Variants in PNPLA1 observed in about 807,000 individuals in gnomAD.
PNPLA1 encodes the protein omega-hydroxyceramide transacylase.
Under a neutral mutation model 51.7 loss-of-function variants are expected in PNPLA1, and 36 were observed. That is an observed-to-expected ratio of 0.70 (90% CI 0.53 to 0.92). PNPLA1 has a LOEUF of 0.92. Ranked by LOEUF, PNPLA1 falls within the 40% of genes least tolerant of loss-of-function variation. The pLI is 0.00. For missense variants in PNPLA1, 658 were observed against 682.5 expected, an observed-to-expected ratio of 0.96 and a Z score of 0.40; for synonymous variants, 293 against 280.1, an observed-to-expected ratio of 1.05 and a Z score of -0.46.
In PNPLA1 at chr6:36,307,682, C is replaced by T. The variant is rs747213173; in HGVS notation, c.1565C>T (p.Ser522Leu). The T allele has an allele frequency of 9.9e-6, 16 of 1,613,892 alleles. No homozygotes were observed. Among genetic ancestry groups the T allele is most frequent in the Admixed American group, 8.3e-5 (5 of 60,014 alleles). Residue 522 changes from serine to leucine, a missense_variant, in exon 8 of 9, where the codon TCG becomes TTG. Ser to Leu is a moderately radical substitution (Grantham distance 145). Coordinates refer to ENST00000636260, the MANE Select transcript of PNPLA1 (RefSeq NM_001374623.1). ...ACCAGAAAAGGCTTCCCAAGACATTCGGGATCCAAAAAACCAAGCAGCAAA... is the reference window on the plus strand; with the variant it reads ...ACCAGAAAAGGCTTCCCAAGACATTTGGGATCCAAAAAACCAAGCAGCAAA... The part of the protein sequence containing the change: ...SGTRKGFPRH[S>L]GSKKPSSKVQ...
chr6:36,261,756 C>G (rs1238567007), intron 1 of PNPLA1, among the ~76,000 whole-genome samples: 2 of 152,186 alleles, frequency 1.3e-5, no homozygotes, highest in African/African-American at 4.8e-5. Flanking sequence ...AGCTAAGGCA[C>G]AGAGATGTCA....
At position 36,302,476 on chromosome 6, in the gene PNPLA1, A is replaced by C; in HGVS notation, c.1384+7A>C. On this transcript the variant is annotated splice_region_variant and intron_variant, in intron 6 of 8. Transcript: ENST00000636260. ...GGCCAAGAACAGCCCCAAGGTATGG[A>C]CCCTTCTGGCTTGTTATGACTTTCT... 6.6e-7 allele frequency: 1 copy of C among 1,525,430 alleles called. No homozygotes were observed. Among genetic ancestry groups the C allele is most frequent in the East Asian group, 2.3e-5 (1 of 44,180 alleles). 94.5% of individuals were successfully genotyped at this position (1,525,430 alleles called of 1,614,324 possible).
intron 1 of PNPLA1, among the ~76,000 whole-genome samples, chr6:36,262,960 T>C (rs1163467307): frequency 6.6e-6 from 1 of 152,248 alleles, no homozygotes; most frequent in Admixed American, 6.5e-5. Context: ...TGAGTATTTC[T>C]GTAGGATAAA....
chr6:36,291,556 AG>A lies in PNPLA1; in HGVS notation c.438+9del. The stretch of plus-strand genomic sequence containing the variant: ...GTCCAAGGAGGAGCTCATTGAGGCA[AG>A]GGGGCTGGGCTGGGAGGGAGGGACA... On this transcript the variant is annotated splice_donor_5th_base_variant and intron_variant, in intron 2 of 8. Coordinates refer to ENST00000636260, the MANE Select transcript of PNPLA1 (RefSeq NM_001374623.1). The A allele has an allele frequency of 6.3e-6, 1 of 158,202 alleles. No homozygotes were observed. The highest frequency in any genetic ancestry group is 1.2e-5 in the Non-Finnish European group (1 of 85,468). The allele number at this position is 158,202 out of a possible 1,614,324, so 9.8% of individuals were successfully genotyped here.
At chr6:36,302,909 T>G (rs1364777642) in intron 6 of PNPLA1, among the ~76,000 whole-genome samples, 1 of 152,120 alleles carries the variant, frequency 6.6e-6, no homozygotes, top group Non-Finnish European at 1.5e-5. Flanking sequence ...CAAAGAGTGG[T>G]CCGCAGACCA....
chr6:36,261,730 A>G (rs1177189643), intron 1 of PNPLA1, among the ~76,000 whole-genome samples: 1 of 152,168 alleles, frequency 6.6e-6, no homozygotes, highest in Admixed American at 6.5e-5. Context: ...TTATTTTCCC[A>G]TTTTCTAGAT....
At chr6:36,261,485 G>A (rs905021956) in intron 1 of PNPLA1, among the ~76,000 whole-genome samples, 3 of 152,176 alleles carry the variant, frequency 2.0e-5, no homozygotes, top group African/African-American at 7.2e-5. Context: ...GTTTACCTAC[G>A]TATTCAGGTC....
At chr6:36,301,114 G>GT (rs150993822) in intron 5 of PNPLA1, among the ~76,000 whole-genome samples, 3 of 99,922 alleles carry the variant, frequency 3.0e-5, no homozygotes, top group African/African-American at 1.3e-4. Context: ...CCATCCCCCC[G>GT]CCCCCCCACC....
At chr6:36,250,998 G>A (rs566313198) in intron 1 of PNPLA1, among the ~76,000 whole-genome samples, 24 of 152,260 alleles carry the variant, frequency 1.6e-4, no homozygotes, top group Admixed American at 8.5e-4. Context: ...CACAGCGCCC[G>A]GCCTGTAAAG....
In PNPLA1 at chr6:36,270,318, C is replaced by G; in HGVS notation, c.-142C>G. The G allele has an allele frequency of 2.4e-6, 2 of 836,664 alleles. No homozygotes were observed. The highest frequency in any genetic ancestry group is 5.3e-5 in the East Asian group (2 of 37,454). 51.8% of individuals were successfully genotyped at this position (836,664 alleles called of 1,614,324 possible). The stretch of plus-strand genomic sequence containing the variant: ...CTGAGCAGCCTGTGGTTGCTCCAGC[C>G]GGGTAGAGACAGCCACATTCCAAGC... On this transcript the variant is annotated 5_prime_UTR_variant, in exon 1 of 9. Transcript: ENST00000636260.
chr6:36,307,774 G>A, intron 8 of PNPLA1, 62 bp downstream of exon 8: 2 of 1,592,880 alleles, frequency 1.3e-6, no homozygotes, highest in Non-Finnish European at 1.7e-6. Flanking sequence ...ACTGTGTTCA[G>A]AGAGATTCCG....
At chr6:36,274,845 C>T (rs575432099) in intron 1 of PNPLA1, among the ~76,000 whole-genome samples, 144 of 152,312 alleles carry the variant, frequency 9.5e-4, no homozygotes, top group African/African-American at 3.4e-3. Context: ...CTCTTCTGTA[C>T]TGTGCCTGCT....
intron 3 of PNPLA1, 121 bp downstream of exon 3, chr6:36,293,247 G>C (rs1468610657): frequency 2.0e-6 from 2 of 995,896 alleles, no homozygotes; most frequent in Non-Finnish European, 1.5e-6. Context: ...TAGAGTTGGA[G>C]AGTTTCTCAT....
chr6:36,310,408 T>G (rs1372811109), intron 8 of PNPLA1, among the ~76,000 whole-genome samples: 1 of 152,056 alleles, frequency 6.6e-6, no homozygotes, highest in East Asian at 1.9e-4. Context: ...GAGTGAGAAA[T>G]TGAGAGGCTG....
At chr6:36,269,632 G>T (rs768687352), upstream of PNPLA1, among the ~76,000 whole-genome samples, 4 of 152,176 alleles carry the variant, frequency 2.6e-5, no homozygotes, top group Non-Finnish European at 5.9e-5. Context: ...GGGGCTTGTC[G>T]AGAGGGCACT....
rs926709405 is a variant in PNPLA1 at position 36,291,437 on chromosome 6, T to C, written c.323T>C (p.Leu108Pro). 1.2e-6 allele frequency: 2 copies of C among 1,614,020 alleles called. No homozygotes were observed. Among genetic ancestry groups the C allele is most frequent in the African/African-American group, 2.7e-5 (2 of 74,914 alleles). ...QMMRQFLYRV[L>P]PEDSYKVTTG... ...ATGAGGCAGTTTCTGTACCGGGTCCTGCCCGAGGACTCCTACAAGGTCACC... is the reference window on the plus strand; with the variant it reads ...ATGAGGCAGTTTCTGTACCGGGTCCCGCCCGAGGACTCCTACAAGGTCACC... The change falls in exon 2 of 9, where the codon CTG becomes CCG. Residue 108 changes from leucine (L) to proline (P), a missense_variant. Coordinates refer to ENST00000636260, the MANE Select transcript of PNPLA1 (RefSeq NM_001374623.1).
chr6:36,311,553 G>T (rs566988607), intron 8 of PNPLA1, among the ~76,000 whole-genome samples: 1 of 152,102 alleles, frequency 6.6e-6, no homozygotes, highest in Non-Finnish European at 1.5e-5. Flanking sequence ...TGAAAATTAC[G>T]GAGATTTTAA....
At chr6:36,293,287 G>C (rs1305720268) in intron 3 of PNPLA1, among the ~76,000 whole-genome samples, 161 bp downstream of exon 3, 1 of 152,096 alleles carries the variant, frequency 6.6e-6, no homozygotes, top group Non-Finnish European at 1.5e-5. Context: ...AATGTAGGTG[G>C]CTTTCTGGGC....
intron 1 of PNPLA1, among the ~76,000 whole-genome samples, chr6:36,246,564 T>G (rs567934380): frequency 6.6e-6 from 1 of 152,278 alleles, no homozygotes; most frequent in African/African-American, 2.4e-5. Flanking sequence ...ACTGATAACT[T>G]GTCATTATCA....
Sources: gnomAD v4.1 joint callset for allele counts (sites outside exome capture counted in the v4.1 genomes callset) on GRCh38, gnomAD v4.1.1 for gene constraint, MANE v1.5 for transcripts, NCBI Gene and HGNC (gene_info 2026-07-23, HGNC 2026-07-21) for gene names.